Variants in SEMA3A observed in about 807,000 individuals in gnomAD.
SEMA3A encodes semaphorin-3A.
Under a neutral mutation model 97.9 loss-of-function variants are expected in SEMA3A, and 29 were observed. The ratio of observed to expected loss-of-function variants is 0.30; its 90% CI spans 0.22 to 0.40. The LOEUF (loss-of-function observed/expected upper bound fraction) is 0.40. Among genes scored for constraint, SEMA3A ranks in the 10% least tolerant of loss-of-function variants. SEMA3A has a pLI of 1.00. For synonymous variants in SEMA3A, 321 were observed against 323.7 expected (o/e 0.99, Z 0.09); for missense variants, 763 against 951.3 (o/e 0.80, Z 2.60).
chr7:84,314,565 A>G (rs1005754535), intron 2 of SEMA3A, among the ~76,000 whole-genome samples: 1 of 152,186 alleles, frequency 6.6e-6, no homozygotes, highest in African/African-American at 2.4e-5. Context: ...AAAGCTGTCC[A>G]TGATAGACAT....
chr7:83,993,598 A>T (rs1790062528), intron 12 of SEMA3A, among the ~76,000 whole-genome samples: 1 of 146,206 alleles, frequency 6.8e-6, no homozygotes, highest in East Asian at 2.1e-4. Flanking sequence ...TGGATATGAA[A>T]TTCTGGGTTG....
intron 1 of SEMA3A, among the ~76,000 whole-genome samples, chr7:84,403,487 A>C (rs1014021067): frequency 1.3e-5 from 2 of 152,178 alleles, no homozygotes; most frequent in Non-Finnish European, 2.9e-5. Context: ...CAGACGAACA[A>C]AAGATAGCAA....
At chr7:84,303,764 T>G (rs1412594798) in intron 3 of SEMA3A, among the ~76,000 whole-genome samples, 1 of 152,122 alleles carries the variant, frequency 6.6e-6, no homozygotes, top group Non-Finnish European at 1.5e-5. Flanking sequence ...ATAAAATAGC[T>G]TTGTGTTAGA....
intron 1 of SEMA3A, among the ~76,000 whole-genome samples, chr7:84,389,475 TA>T (rs1353459240): frequency 6.6e-6 from 1 of 152,092 alleles, no homozygotes; most frequent in African/African-American, 2.4e-5. Context: ...TGTAATTGCG[TA>T]ACTCAACAGT....
At chr7:84,347,521 C>T (rs1313065211) in intron 2 of SEMA3A, among the ~76,000 whole-genome samples, 2 of 151,242 alleles carry the variant, frequency 1.3e-5, no homozygotes, top group Non-Finnish European at 2.9e-5. Context: ...AAGTAATTCT[C>T]CTGCCTCAGC....
intron 4 of SEMA3A, among the ~76,000 whole-genome samples, chr7:84,109,888 A>G (rs1488020426): frequency 6.6e-6 from 1 of 152,236 alleles, no homozygotes; most frequent in East Asian, 1.9e-4. Flanking sequence ...AAATGTACAT[A>G]ATTTCCTCAC....
chr7:84,077,664 G>T (rs1794001290), intron 4 of SEMA3A, among the ~76,000 whole-genome samples: 3 of 151,994 alleles, frequency 2.0e-5, no homozygotes, highest in Admixed American at 2.0e-4. Flanking sequence ...AATTAGTGAA[G>T]ACTTCAAAAA....
chr7:84,468,950 T>C (rs1267668971), intron 1 of SEMA3A, among the ~76,000 whole-genome samples: 1 of 138,936 alleles, frequency 7.2e-6, no homozygotes, highest in African/African-American at 2.9e-5. Flanking sequence ...AGTAAAAGCA[T>C]AGGTGATTTT....
At chr7:84,099,271 C>T (rs1295094419) in intron 4 of SEMA3A, among the ~76,000 whole-genome samples, 1 of 59,992 alleles carries the variant, frequency 1.7e-5, no homozygotes, top group African/African-American at 3.5e-5. Context: ...GGTGTTTCAC[C>T]GTGTTAGCCA....
At chr7:84,005,101 T>C (rs1310625756) in intron 11 of SEMA3A, among the ~76,000 whole-genome samples, 1 of 152,196 alleles carries the variant, frequency 6.6e-6, no homozygotes, top group African/African-American at 2.4e-5. Context: ...GAATACAATA[T>C]CTAATACATA....
chr7:84,329,742 T>C (rs1201524762), intron 2 of SEMA3A, among the ~76,000 whole-genome samples: 2 of 152,090 alleles, frequency 1.3e-5, no homozygotes, highest in African/African-American at 2.4e-5. Flanking sequence ...TATTTTCTAA[T>C]TGAAAATTAA....
intron 2 of SEMA3A, among the ~76,000 whole-genome samples, chr7:84,361,822 T>C (rs1270568557): frequency 1.3e-5 from 2 of 152,048 alleles, no homozygotes; most frequent in Non-Finnish European, 2.9e-5. Context: ...TGAAGGACTC[T>C]GCAGAGGAGA....
At chr7:84,055,539 G>A (rs1306141413) in intron 5 of SEMA3A, among the ~76,000 whole-genome samples, 2 of 152,226 alleles carry the variant, frequency 1.3e-5, no homozygotes, top group African/African-American at 4.8e-5. Flanking sequence ...TCCCGAGTGA[G>A]GCTATGCCTC....
intron 5 of SEMA3A, among the ~76,000 whole-genome samples, chr7:84,057,027 A>G (rs1159146999): frequency 3.3e-5 from 5 of 152,222 alleles, no homozygotes; most frequent in African/African-American, 4.8e-5. Flanking sequence ...GAGAGCTTCA[A>G]ATAATTTTTT....
At chr7:84,072,717 G>A (rs1184688102) in intron 4 of SEMA3A, among the ~76,000 whole-genome samples, 3 of 152,006 alleles carry the variant, frequency 2.0e-5, no homozygotes, top group Non-Finnish European at 4.4e-5. Flanking sequence ...AGTATACCAC[G>A]AAGTACAACA....
At chr7:84,250,666 A>T (rs528785885) in intron 3 of SEMA3A, among the ~76,000 whole-genome samples, 39 of 152,154 alleles carry the variant, frequency 2.6e-4, no homozygotes, top group Admixed American at 5.2e-4. Flanking sequence ...AGCCAATGTA[A>T]TTTTTTTTAA....
intron 4 of SEMA3A, among the ~76,000 whole-genome samples, chr7:84,084,677 G>T (rs980298545): frequency 1.3e-5 from 2 of 152,094 alleles, no homozygotes; most frequent in South Asian, 2.1e-4. Flanking sequence ...GGGGAAAAAT[G>T]AATATAGTAT....
chr7:84,210,735 CTTTTTTT>C (rs911387081), intron 3 of SEMA3A, among the ~76,000 whole-genome samples: 1 of 146,740 alleles, frequency 6.8e-6, no homozygotes, highest in Non-Finnish European at 1.5e-5. Flanking sequence ...TTTCTTTTTT[CTTTTTTT>C]TTTAGAAAAG....
At chr7:84,129,022 C>T in intron 3 of SEMA3A, 101 bp downstream of exon 3, 2 of 859,138 alleles carry the variant, frequency 2.3e-6, no homozygotes, top group Non-Finnish European at 3.9e-6. Flanking sequence ...AACCCCTTCC[C>T]CACACACACA....
Sources: allele counts gnomAD v4.1 joint callset (sites outside exome capture counted in the v4.1 genomes callset), GRCh38; gene constraint gnomAD v4.1.1; transcripts MANE v1.5; gene names NCBI Gene and HGNC (gene_info 2026-07-23, HGNC 2026-07-21).